EP300: variants seen among roughly 807,000 people sequenced by gnomAD.
EP300 encodes EP300 lysine acetyltransferase.
Under a neutral mutation model 264.0 loss-of-function variants are expected in EP300, and 31 were observed. That is an observed-to-expected ratio of 0.12 (90% CI 0.09 to 0.16). The LOEUF is 0.16. Ranked by LOEUF, EP300 falls within the 10% of genes least tolerant of loss-of-function variation. The pLI, the probability that EP300 is intolerant of heterozygous loss-of-function variation, is 1.00. For synonymous variants in EP300, 1,340 were observed against 1,045.4 expected (o/e 1.28, Z -5.44); for missense variants, 2,766 against 3,052.9 (o/e 0.91, Z 2.21).
intron 9 of EP300, 84 bp from the exon 10 acceptor site, chr22:41,140,964 T>C (rs969684644): frequency 2.7e-5 from 35 of 1,285,270 alleles, no homozygotes; most frequent in Non-Finnish European, 3.5e-5. Flanking sequence ...GAAACTAATA[T>C]CTATTCTCAG....
rs998312291 is a variant in EP300 at position 41,140,330 on chromosome 22, G to A, written c.1878+73G>A. ...TGGTTATTTTATTCCTCTTTAGCAT[G>A]TACAAGTAGTACATATGCTTCAGAC... is the stretch of plus-strand genomic sequence containing the variant. On this transcript the variant is annotated intron_variant, in intron 9 of 30. Coordinates refer to ENST00000263253, the MANE Select transcript of EP300 (RefSeq NM_001429.4). 3.1e-6 allele frequency: 3 copies of A among 977,758 alleles called. No individual in the cohort carries two copies. The African/African-American group carries it at 4.8e-5, about 16-fold the overall frequency. The allele number at this position is 977,758 out of a possible 1,614,324, so 60.6% of individuals were successfully genotyped here. A position where few individuals can be genotyped will look rare whatever the true frequency, so the allele number is the denominator to read the frequency against.
intron 6 of EP300, among the ~76,000 whole-genome samples, chr22:41,135,132 C>T (rs1012322762): frequency 6.6e-6 from 1 of 152,124 alleles, no homozygotes; most frequent in African/African-American, 2.4e-5. Flanking sequence ...GAACTGCTGA[C>T]TTCGTGATCC....
chr22:41,174,140 A>C (rs568127666), intron 29 of EP300, among the ~76,000 whole-genome samples: 1 of 136,680 alleles, frequency 7.3e-6, no homozygotes, highest in Non-Finnish European at 1.6e-5. Context: ...GAATAAAAAC[A>C]CTGACTGTTC....
intron 19 of EP300, chr22:41,158,732 G>A (rs989778797): frequency 2.5e-5 from 13 of 514,788 alleles, no homozygotes; most frequent in South Asian, 2.4e-4. Flanking sequence ...GAGAAGTTAA[G>A]CAACTTTGTG....
intron 25 of EP300, 33 bp from the exon 26 acceptor site, chr22:41,169,470 T>G: frequency 6.9e-7 from 1 of 1,449,234 alleles, no homozygotes; most frequent in Non-Finnish European, 9.7e-7. Flanking sequence ...CCTGACTTTT[T>G]TTTTCCTCTT....
At chr22:41,143,158 G>C (rs570844969) in intron 10 of EP300, among the ~76,000 whole-genome samples, 128 of 151,832 alleles carry the variant, frequency 8.4e-4, no homozygotes, top group Non-Finnish European at 1.6e-3. Context: ...AATAATAGAA[G>C]CATAAAAGTG....
At position 41,177,288 on chromosome 22, in the gene EP300, T is replaced by C; in HGVS notation, c.5577T>C (p.Thr1859=). 1 of 1,613,972 alleles carries C rather than the reference T, an allele frequency of 6.2e-7. No homozygotes were observed. The highest frequency in any genetic ancestry group is 8.5e-7 in the Non-Finnish European group (1 of 1,179,988). ...CTCCTGCCACTCCAACGACACCAAC[T>C]GGCCAACAGCCAACCACCCCGCAGA... The part of the protein sequence containing the change: ...SPTPATPTTP[T]GQQPTTPQTP... Residue 1859 remains threonine (T), a synonymous_variant, in exon 31 of 31, where the codon ACT becomes ACC. Transcript: ENST00000263253.
intron 1 of EP300, among the ~76,000 whole-genome samples, chr22:41,105,084 C>G (rs1288752465): frequency 6.6e-6 from 1 of 151,174 alleles, no homozygotes; most frequent in African/African-American, 2.4e-5. Context: ...GTAGTCCCAG[C>G]TACTCAGGAG....
intron 7 of EP300, among the ~76,000 whole-genome samples, chr22:41,137,450 A>T (rs540754082): frequency 1.3e-5 from 2 of 152,242 alleles, no homozygotes; most frequent in Non-Finnish European, 2.9e-5. Flanking sequence ...CCCTCCAAAG[A>T]AATACAACTT....
rs996577997 is a variant in EP300 at position 41,117,672 on chromosome 22, G to A, written c.580G>A (p.Gly194Ser). 1.9e-6 allele frequency: 3 copies of A among 1,614,200 alleles called. No homozygotes were observed. Among genetic ancestry groups the A allele is most frequent in the African/African-American group, 2.7e-5 (2 of 75,050 alleles). ...QGIMPNQVMN[G>S]SIGAGRGRQN... ...GATAATGCCTAATCAAGTCATGAACGGTTCAATTGGAGCAGGCCGAGGGCG... is the reference window on the plus strand; with the variant it reads ...GATAATGCCTAATCAAGTCATGAACAGTTCAATTGGAGCAGGCCGAGGGCG... Residue 194 changes from glycine (G) to serine (S), a missense_variant, in exon 2 of 31, where the codon GGT (glycine) becomes AGT (serine). Gly to Ser is a moderately conservative substitution (Grantham distance 56). Transcript: ENST00000263253.
At position 41,131,598 on chromosome 22, in the gene EP300, A is replaced by G; in HGVS notation, c.1493A>G (p.Gln498Arg). The change falls in exon 6 of 31, where the codon CAG becomes CGG. Residue 498 changes from glutamine (Q) to arginine (R), a missense_variant. Physicochemically the swap from Gln to Arg is conservative, Grantham distance 43. Coordinates refer to ENST00000263253, the MANE Select transcript of EP300 (RefSeq NM_001429.4). ...AKNQQNQQPGQSPQGMRPMSN... is the reference protein window; with the variant it reads ...AKNQQNQQPGRSPQGMRPMSN... Reference sequence around the variant, plus strand: ...AACCAGCAGAATCAGCAGCCTGGGCAGTCTCCCCAAGGCATGCGGCCCATG... The same window carrying G: ...AACCAGCAGAATCAGCAGCCTGGGCGGTCTCCCCAAGGCATGCGGCCCATG... 6.2e-7 allele frequency: 1 copy of G among 1,614,124 alleles called. No individual in the cohort carries two copies. Among genetic ancestry groups the G allele is most frequent in the African/African-American group, 1.3e-5 (1 of 75,020 alleles).
chr22:41,156,001 G>T (rs1377799147), intron 17 of EP300, among the ~76,000 whole-genome samples: 2 of 151,718 alleles, frequency 1.3e-5, no homozygotes, highest in African/African-American at 4.8e-5. Flanking sequence ...TTACTTTTTT[G>T]TTGTTGTTAT....
chr22:41,113,031 G>A (rs1315897698), intron 1 of EP300, among the ~76,000 whole-genome samples: 1 of 151,804 alleles, frequency 6.6e-6, no homozygotes, highest in Non-Finnish European at 1.5e-5. Flanking sequence ...TTAAAATAAT[G>A]CCATTGTTAT....
intron 3 of EP300, 147 bp from the exon 4 acceptor site, chr22:41,127,340 G>A: frequency 1.0e-6 from 1 of 975,020 alleles, no homozygotes; most frequent in East Asian, 2.5e-5. Context: ...TAGGAGCCAT[G>A]GTTTATGCAT....
At position 41,149,144 on chromosome 22, in the gene EP300, C is replaced by T. The variant is rs755619355; in HGVS notation, c.2348C>T (p.Ala783Val). The T allele has an allele frequency of 3.0e-5, 49 of 1,613,898 alleles. No homozygotes were observed. In the Admixed American group the frequency reaches 8.0e-4, roughly 26 times the overall value. ...QGMNVTNIPL[A>V]PSSGQAPVSQ... ...ATGAATGTAACAAATATCCCTTTGG[C>T]TCCGTCCAGCGGTCAAGCTCCAGTG... is the stretch of plus-strand genomic sequence containing the variant. Residue 783 changes from alanine (A) to valine (V), a missense_variant, in exon 13 of 31, where the codon GCT becomes GTT. Ala to Val is a moderately conservative substitution (Grantham distance 64). Transcript: ENST00000263253.
Position 41,168,443 on chromosome 22 carries a change from T to G in EP300, c.3875-6T>G. On this transcript the variant is annotated splice_polypyrimidine_tract_variant and splice_region_variant and intron_variant, in intron 23 of 30. Coordinates refer to ENST00000263253, the MANE Select transcript of EP300 (RefSeq NM_001429.4). Reference sequence around the variant, plus strand: ...CCTCAGTAACTTTTAACTTTTACATTCCTAGGGTTGCCATCTACCAGACTT... The same window carrying G: ...CCTCAGTAACTTTTAACTTTTACATGCCTAGGGTTGCCATCTACCAGACTT... 6.2e-7 allele frequency: 1 copy of G among 1,614,098 alleles called. No individual in the cohort carries two copies. The highest frequency in any genetic ancestry group is 8.5e-7 in the Non-Finnish European group (1 of 1,179,996).
In EP300 at chr22:41,124,417, ACT is replaced by A. The variant is rs200833444; in HGVS notation, c.730-1446_730-1445del. On this transcript the variant is annotated intron_variant, in intron 2 of 30. Coordinates refer to ENST00000263253, the MANE Select transcript of EP300 (RefSeq NM_001429.4). The stretch of plus-strand genomic sequence containing the variant: ...GTCAGAATCAGAAGTTTTAAAAAAC[ACT>A]GTCATCAGTGTCCCTACACAAAAAA... 8.6e-3 allele frequency among the ~76,000 whole-genome samples: 1,309 copies of A among 152,336 alleles called. 10 individuals carry two copies. The highest frequency in any genetic ancestry group is 0.014 in the Non-Finnish European group (947 of 68,024).
chr22:41,096,894 C>T (rs1024630154), intron 1 of EP300, among the ~76,000 whole-genome samples: 2 of 152,190 alleles, frequency 1.3e-5, no homozygotes, highest in African/African-American at 2.4e-5. Context: ...GCTGGGAATA[C>T]AGGCGTGAGC....
At chr22:41,108,101 A>T (rs564226856) in intron 1 of EP300, 1 of 152,170 alleles carries the variant, frequency 6.6e-6, no homozygotes. Context: ...CAGAATCAGT[A>T]TGTGATAATG....
Sources: gnomAD v4.1 joint callset for allele counts (sites outside exome capture counted in the v4.1 genomes callset) on GRCh38, gnomAD v4.1.1 for gene constraint, MANE v1.5 for transcripts, NCBI Gene and HGNC (gene_info 2026-07-23, HGNC 2026-07-21) for gene names.